The following ZFAND4 variants were observed in gnomAD, a reference collection of about 807,000 sequenced individuals.
ZFAND4 encodes zinc finger AN1-type containing 4, also known as AN1-type zinc finger protein 4.
ZFAND4 carries 43 observed loss-of-function variants against 64.4 expected under a neutral mutation model. That is an observed-to-expected ratio of 0.67 (90% confidence interval 0.52 to 0.86). ZFAND4 has a LOEUF of 0.86. ZFAND4 is among the 40% of genes least tolerant of loss of function. ZFAND4 has a pLI of 0.00. For synonymous variants in ZFAND4, 296 were observed against 305.7 expected (o/e 0.97, Z 0.33); for missense variants, 929 against 859.8 (o/e 1.08, Z -1.01).
intron 1 of ZFAND4, among the ~76,000 whole-genome samples, chr10:45,664,101 G>C (rs1269033886): frequency 6.6e-6 from 1 of 152,026 alleles, no homozygotes; most frequent in Non-Finnish European, 1.5e-5. Context: ...TATATATATA[G>C]TACATGCTCA....
In ZFAND4 at chr10:45,615,550, ATTAT is replaced by A. The variant is rs1262121910; in HGVS notation, c.*882_*885del. The A allele has an allele frequency of 1.3e-5, 2 of 151,972 alleles. No individual in the cohort carries two copies. The highest frequency in any genetic ancestry group is 6.6e-5 in the Admixed American group (1 of 15,262). The allele number at this position is 151,972 out of a possible 1,614,324, so 9.4% of individuals were successfully genotyped here. On this transcript the variant is annotated 3_prime_UTR_variant, in exon 10 of 10. Transcript: ENST00000344646. Reference sequence around the variant, plus strand: ...AATTAAATAGTTTTATAAAAGAAAAATTATTTATAAAAGAAAAACTATTATAAAT... The same window carrying A: ...AATTAAATAGTTTTATAAAAGAAAAATTATAAAAGAAAAACTATTATAAAT...
chr10:45,670,152 C>A lies in ZFAND4; in HGVS notation c.-118+2098G>T, dbSNP rs557417975. ...AAACCCCATCGTCCCAACCCAAAATCTCCTTAAGCTGATAAACAACTTAAG... is the reference window on the plus strand; with the variant it reads ...AAACCCCATCGTCCCAACCCAAAATATCCTTAAGCTGATAAACAACTTAAG... On this transcript the variant is annotated intron_variant, in intron 1 of 9. Transcript: ENST00000344646. Among the ~76,000 whole-genome samples, 5 of 152,166 alleles carry A rather than the reference C, an allele frequency of 3.3e-5. No homozygotes were observed. The South Asian group carries it at 1.0e-3, about 32-fold the overall frequency.
rs538830289 is a variant in ZFAND4 at position 45,636,158 on chromosome 10, A to G, written c.717+3658T>C. On this transcript the variant is annotated intron_variant, in intron 6 of 9. Coordinates refer to ENST00000344646, the MANE Select transcript of ZFAND4 (RefSeq NM_174890.4). Reference sequence around the variant, plus strand: ...ATTTTTAAAAAATCAGTTCATCACAATATCAGAATATTTTTATTCAGTGAA... The same window carrying G: ...ATTTTTAAAAAATCAGTTCATCACAGTATCAGAATATTTTTATTCAGTGAA... Among the ~76,000 whole-genome samples, 55 of 152,330 alleles carry G rather than the reference A, an allele frequency of 3.6e-4. No individual in the cohort carries two copies. The South Asian group carries it at 0.011, about 30-fold the overall frequency.
At chr10:45,636,633 T>A (rs892742215) in intron 6 of ZFAND4, among the ~76,000 whole-genome samples, 5 of 149,964 alleles carry the variant, frequency 3.3e-5, no homozygotes, top group Non-Finnish European at 7.4e-5. Context: ...CAAGATTCTG[T>A]CTCAAAAAAA....
At chr10:45,649,446 T>TA (rs2047614625) in intron 4 of ZFAND4, among the ~76,000 whole-genome samples, 1 of 152,338 alleles carries the variant, frequency 6.6e-6, no homozygotes, top group African/African-American at 2.4e-5. Context: ...GAGGTAAAGA[T>TA]TTCCCAAGCT....
chr10:45,624,542 T>A (rs2045657936), intron 8 of ZFAND4, 41 bp downstream of exon 8: 1 of 1,584,890 alleles, frequency 6.3e-7, no homozygotes, highest in African/African-American at 1.3e-5. Context: ...AATTATGTAA[T>A]TATCAGCCTT....
At chr10:45,664,636 A>C (rs531595559) in intron 1 of ZFAND4, among the ~76,000 whole-genome samples, 168 of 149,486 alleles carry the variant, frequency 1.1e-3, no homozygotes, top group Non-Finnish European at 1.8e-3. Flanking sequence ...TAAAAATAGT[A>C]CTCACTAGGC....
chr10:45,660,931 A>T (rs2048432041), intron 2 of ZFAND4, among the ~76,000 whole-genome samples: 1 of 152,246 alleles, frequency 6.6e-6, no homozygotes, highest in Non-Finnish European at 1.5e-5. Context: ...AAAATGATGT[A>T]GGTCAGAAAC....
chr10:45,619,895 AGAT>A (rs1193511206), intron 8 of ZFAND4, among the ~76,000 whole-genome samples: 1 of 152,236 alleles, frequency 6.6e-6, no homozygotes, highest in Non-Finnish European at 1.5e-5. Flanking sequence ...GTGCACTTAG[AGAT>A]ACCAAGAACA....
At chr10:45,623,264 TG>T (rs1225962065) in intron 8 of ZFAND4, among the ~76,000 whole-genome samples, 2 of 152,238 alleles carry the variant, frequency 1.3e-5, no homozygotes, top group African/African-American at 4.8e-5. Context: ...ATTTCATTTC[TG>T]GGTATATATT....
At position 45,616,307 on chromosome 10, in the gene ZFAND4, C is replaced by A; in HGVS notation, c.*129G>T. On this transcript the variant is annotated 3_prime_UTR_variant, in exon 10 of 10. Coordinates refer to ENST00000344646, the MANE Select transcript of ZFAND4 (RefSeq NM_174890.4). ...ATACAGTAGCATTCTTGTTCTCCAA[C>A]AGTATGCATTGTATGCTTTTGTTAT... 1 of 1,199,990 alleles carries A rather than the reference C, an allele frequency of 8.3e-7. No individual in the cohort carries two copies. The allele number at this position is 1,199,990 out of a possible 1,614,324, so 74.3% of individuals were successfully genotyped here.
intron 4 of ZFAND4, chr10:45,650,916 T>A (rs2047718048): frequency 6.6e-6 from 1 of 152,182 alleles, no homozygotes; most frequent in African/African-American, 2.4e-5. Context: ...ATTAACTTTG[T>A]TTTTCTCTAA....
chr10:45,617,015 T>C (rs958862395), intron 9 of ZFAND4, among the ~76,000 whole-genome samples: 2 of 150,566 alleles, frequency 1.3e-5, no homozygotes, highest in Non-Finnish European at 3.0e-5. Flanking sequence ...GAGGTGGAGG[T>C]TGCAGTGAGC....
rs573356970 is a variant in ZFAND4, at chr10:45,670,876, T to C, written c.-118+1374A>G. 3.9e-5 allele frequency among the ~76,000 whole-genome samples: 6 copies of C among 152,184 alleles called. No individual in the cohort carries two copies. In the East Asian group the frequency reaches 1.2e-3, roughly 29 times the overall value. On this transcript the variant is annotated intron_variant, in intron 1 of 9. Coordinates refer to ENST00000344646, the MANE Select transcript of ZFAND4 (RefSeq NM_174890.4). ...AGAGCTTCTGCACAGCAAAAGAAAC[T>C]ACCATCAGAGTGAACAGGCAACCTA...
chr10:45,616,426 A>G lies in ZFAND4; in HGVS notation c.*10T>C, dbSNP rs768575052. On this transcript the variant is annotated 3_prime_UTR_variant, in exon 10 of 10. Transcript: ENST00000344646. The stretch of plus-strand genomic sequence containing the variant: ...AATCCCGGGCAGAACAGTAAGATGT[A>G]GAGGAAGAGTTAGATTTTTGGAAGC... The G allele has an allele frequency of 6.2e-7, 1 of 1,613,980 alleles. No homozygotes were observed.
In ZFAND4 at chr10:45,663,677, G is replaced by C. The variant is rs371919051; in HGVS notation, c.49C>G (p.Pro17Ala). ...CAGAAATGAAGTCTGTAGTAAAATG[G>C]TCCCATGTTATCATCATTGAAGAAT... ...PPFFNDDNMG[P>A]FYYRLHFCDT... The change falls in exon 2 of 10, where the codon CCA (proline) becomes GCA (alanine). Residue 17 changes from proline (P) to alanine (A), a missense_variant. Transcript: ENST00000344646. 4 of 1,608,118 alleles carry C rather than the reference G, an allele frequency of 2.5e-6. No homozygotes were observed. The highest frequency in any genetic ancestry group is 3.4e-6 in the Non-Finnish European group (4 of 1,178,584).
chr10:45,639,168 A>C (rs2046824857), intron 6 of ZFAND4, among the ~76,000 whole-genome samples: 1 of 152,158 alleles, frequency 6.6e-6, no homozygotes, highest in Admixed American at 6.5e-5. Context: ...TTTATCTAGA[A>C]TATATATAAA....
At chr10:45,644,092 C>T (rs1389273901) in intron 5 of ZFAND4, among the ~76,000 whole-genome samples, 2 of 152,158 alleles carry the variant, frequency 1.3e-5, no homozygotes, top group African/African-American at 4.8e-5. Flanking sequence ...GTGGCTCTCT[C>T]GTTGCTCTAC....
At chr10:45,620,005 C>G (rs2045296002) in intron 8 of ZFAND4, among the ~76,000 whole-genome samples, 1 of 152,200 alleles carries the variant, frequency 6.6e-6, no homozygotes, top group Non-Finnish European at 1.5e-5. Flanking sequence ...GCATATATTA[C>G]AAGATGTCCA....
Sources: gnomAD v4.1 joint callset for allele counts (sites outside exome capture counted in the v4.1 genomes callset) on GRCh38, gnomAD v4.1.1 for gene constraint, MANE v1.5 for transcripts, NCBI Gene and HGNC (gene_info 2026-07-23, HGNC 2026-07-21) for gene names.